DPY19L4: variants seen among roughly 807,000 people sequenced by gnomAD.
DPY19L4 encodes probable C-mannosyltransferase DPY19L4.
A neutral mutation model predicts 102.8 loss-of-function variants in DPY19L4; 97 were observed. The observed-to-expected ratio is 0.94, with a 90% CI of 0.80 to 1.12. The LOEUF (loss-of-function observed/expected upper bound fraction) is 1.12, where lower values mean the gene tolerates loss of function less well. Among genes scored for constraint, DPY19L4 ranks in the 50% most tolerant of loss-of-function variants. The pLI, the probability that DPY19L4 is intolerant of heterozygous loss-of-function variation, is 0.00. For synonymous variants in DPY19L4, 252 were observed against 283.1 expected, an observed-to-expected ratio of 0.89 and a Z score of 1.10; for missense variants, 815 against 850.4, an observed-to-expected ratio of 0.96 and a Z score of 0.52.
intron 17 of DPY19L4, among the ~76,000 whole-genome samples, chr8:94,787,166 T>C (rs1012526185): frequency 2.0e-5 from 3 of 152,214 alleles, no homozygotes; most frequent in African/African-American, 7.2e-5. Context: ...AGTAATGTTG[T>C]TACAATCGCA....
intron 17 of DPY19L4, 70 bp from the exon 18 acceptor site, chr8:94,787,824 A>G: frequency 1.2e-6 from 1 of 862,426 alleles, no homozygotes; most frequent in Non-Finnish European, 1.5e-6. Context: ...AATTTACTGA[A>G]GTTTTAAATG....
At chr8:94,728,601 G>T (rs561936591) in intron 2 of DPY19L4, among the ~76,000 whole-genome samples, 1 of 152,184 alleles carries the variant, frequency 6.6e-6, no homozygotes, top group African/African-American at 2.4e-5. Flanking sequence ...GGGGCTGGCC[G>T]CAAGAAAACT....
Position 94,719,907 on chromosome 8 carries a change from G to C in DPY19L4, c.-92G>C. Reference sequence around the variant, plus strand: ...AGTGGGGGCGCGGCGGCCAGGAGCGGGCCCCCGGAGGCCGAGGGGTTCGGC... The same window carrying C: ...AGTGGGGGCGCGGCGGCCAGGAGCGCGCCCCCGGAGGCCGAGGGGTTCGGC... On this transcript the variant is annotated 5_prime_UTR_variant, in exon 1 of 19. Transcript: ENST00000414645. 7.1e-7 allele frequency: 1 copy of C among 1,398,852 alleles called. No homozygotes were observed. The highest frequency in any genetic ancestry group is 3.1e-5 in the East Asian group (1 of 32,514). The allele number at this position is 1,398,852 out of a possible 1,614,324, so 86.7% of individuals were successfully genotyped here.
rs545886072 is a variant in DPY19L4, at chr8:94,791,707, G to A, written c.*1797G>A. On this transcript the variant is annotated 3_prime_UTR_variant, in exon 19 of 19. Transcript: ENST00000414645. Reference sequence around the variant, plus strand: ...TTTATCTAGTGTGAAATATTTAATCGAATTTTTGTTGATTTATATTATGTT... The same window carrying A: ...TTTATCTAGTGTGAAATATTTAATCAAATTTTTGTTGATTTATATTATGTT... The A allele has an allele frequency of 3.3e-5, 5 of 152,026 alleles. 1 individual carries two copies. In the South Asian group the frequency reaches 8.3e-4, roughly 25 times the overall value. 9.4% of individuals were successfully genotyped at this position (152,026 alleles called of 1,614,324 possible).
intron 6 of DPY19L4, among the ~76,000 whole-genome samples, chr8:94,747,761 C>T (rs890743043): frequency 6.6e-6 from 1 of 151,892 alleles, no homozygotes; most frequent in African/African-American, 2.4e-5. Flanking sequence ...GGGGTTTCAC[C>T]ATGTTAGCCA....
chr8:94,730,614 A>G (rs897400207), intron 2 of DPY19L4, among the ~76,000 whole-genome samples: 82 of 151,304 alleles, frequency 5.4e-4, no homozygotes, highest in African/African-American at 1.8e-3. Context: ...GCGTGGTGGC[A>G]CATGCCTGTA....
chr8:94,757,484 A>G (rs190298858), intron 7 of DPY19L4, among the ~76,000 whole-genome samples: 62 of 151,980 alleles, frequency 4.1e-4, no homozygotes, highest in African/African-American at 1.3e-3. Flanking sequence ...ATCTCTGCTC[A>G]CTGCAACCTC....
At position 94,726,319 on chromosome 8, in the gene DPY19L4, A is replaced by ATAAG; in HGVS notation, c.17-12_17-11insTAAG. On this transcript the variant is annotated splice_polypyrimidine_tract_variant and intron_variant, in intron 1 of 18. Coordinates refer to ENST00000414645, the MANE Select transcript of DPY19L4 (RefSeq NM_181787.3). ...TATACACACATTGCAATAATGTCTT[A>ATAAG]AATATTTTAAGGACCACCTGTAGAG... is the stretch of plus-strand genomic sequence containing the variant. 6.3e-7 allele frequency: 1 copy of ATAAG among 1,586,908 alleles called. No individual in the cohort carries two copies. Among genetic ancestry groups the ATAAG allele is most frequent in the Non-Finnish European group, 8.5e-7 (1 of 1,171,882 alleles).
rs775399129 is a variant in DPY19L4 at position 94,761,872 on chromosome 8, T to A, written c.870+38T>A. On this transcript the variant is annotated intron_variant, in intron 8 of 18. Coordinates refer to ENST00000414645, the MANE Select transcript of DPY19L4 (RefSeq NM_181787.3). Reference sequence around the variant, plus strand: ...TTTGAAATGGTGATTTTTAAGAGAATAAATGTATTTATAGCATTGTATCTT... The same window carrying A: ...TTTGAAATGGTGATTTTTAAGAGAAAAAATGTATTTATAGCATTGTATCTT... 24 of 1,579,158 alleles carry A rather than the reference T, an allele frequency of 1.5e-5. No homozygotes were observed. In the South Asian group the frequency reaches 2.4e-4, roughly 16 times the overall value.
At position 94,749,142 on chromosome 8, in the gene DPY19L4, A is replaced by T. The variant is rs377491133; in HGVS notation, c.612-6894A>T. On this transcript the variant is annotated intron_variant, in intron 6 of 18. Coordinates refer to ENST00000414645, the MANE Select transcript of DPY19L4 (RefSeq NM_181787.3). ...AGCACGGGAAAGACTTGCCCCCATG[A>T]TTCAATTACCTCCCACTGGCTCCCT... Among the ~76,000 whole-genome samples, 4 of 152,246 alleles carry T rather than the reference A, an allele frequency of 2.6e-5. No individual in the cohort carries two copies. The East Asian group carries it at 5.8e-4, about 22-fold the overall frequency.
intron 13 of DPY19L4, among the ~76,000 whole-genome samples, chr8:94,773,201 G>A (rs1421462211): frequency 7.2e-6 from 1 of 139,072 alleles, no homozygotes; most frequent in Non-Finnish European, 1.5e-5. Flanking sequence ...GCAACAGGGT[G>A]AGACTCCGTA....
Position 94,790,737 on chromosome 8 carries a change from CAT to C in DPY19L4, c.*828_*829del, listed in dbSNP as rs954473992. 2.0e-5 allele frequency: 3 copies of C among 151,846 alleles called. No homozygotes were observed. Among genetic ancestry groups the C allele is most frequent in the African/African-American group, 4.8e-5 (2 of 41,370 alleles). 9.4% of individuals were successfully genotyped at this position (151,846 alleles called of 1,614,324 possible). On this transcript the variant is annotated 3_prime_UTR_variant, in exon 19 of 19. Coordinates refer to ENST00000414645, the MANE Select transcript of DPY19L4 (RefSeq NM_181787.3). The stretch of plus-strand genomic sequence containing the variant: ...TGATATGGGGCATACAATCTATTCA[CAT>C]GTTTTCTACTGAAGTACTAAGTAAA...
At chr8:94,753,851 C>T (rs1001429433) in intron 6 of DPY19L4, among the ~76,000 whole-genome samples, 12 of 152,006 alleles carry the variant, frequency 7.9e-5, no homozygotes, top group South Asian at 2.1e-4. Flanking sequence ...CCAGCCTGGG[C>T]GACAGAGCAA....
intron 10 of DPY19L4, 101 bp downstream of exon 10, chr8:94,765,910 T>C (rs902169192): frequency 1.6e-5 from 12 of 735,290 alleles, no homozygotes; most frequent in African/African-American, 5.4e-5. Context: ...TAATAGAGTT[T>C]GAACAGTATA....
At chr8:94,780,082 C>T (rs1018673159) in intron 14 of DPY19L4, among the ~76,000 whole-genome samples, 4 of 152,022 alleles carry the variant, frequency 2.6e-5, no homozygotes, top group African/African-American at 4.8e-5. Context: ...ATCCACTTGC[C>T]ATTTGAAATA....
intron 13 of DPY19L4, among the ~76,000 whole-genome samples, chr8:94,775,279 C>T (rs1196564642): frequency 1.3e-5 from 2 of 151,880 alleles, no homozygotes; most frequent in Admixed American, 6.6e-5. Context: ...TCAAGCTATT[C>T]TCCTGCCTCA....
chr8:94,745,639 GT>G (rs962767255), intron 6 of DPY19L4, among the ~76,000 whole-genome samples: 1 of 152,138 alleles, frequency 6.6e-6, no homozygotes, highest in Non-Finnish European at 1.5e-5. Flanking sequence ...GGAGATATAA[GT>G]TTTTTCAATT....
chr8:94,754,914 A>T (rs1456603508), intron 6 of DPY19L4, among the ~76,000 whole-genome samples: 1 of 152,160 alleles, frequency 6.6e-6, no homozygotes, highest in Non-Finnish European at 1.5e-5. Flanking sequence ...TCAGCCTAAC[A>T]AGTAGCTGGT....
At chr8:94,725,627 A>G (rs1810652358) in intron 1 of DPY19L4, among the ~76,000 whole-genome samples, 1 of 152,046 alleles carries the variant, frequency 6.6e-6, no homozygotes, top group African/African-American at 2.4e-5. Flanking sequence ...GTTTATGATG[A>G]ATGTATTATG....
Sources: gnomAD v4.1 joint callset for allele counts (sites outside exome capture counted in the v4.1 genomes callset) on GRCh38, gnomAD v4.1.1 for gene constraint, MANE v1.5 for transcripts, NCBI Gene and HGNC (gene_info 2026-07-23, HGNC 2026-07-21) for gene names.